BMPER: variants seen among roughly 807,000 people sequenced by gnomAD.
BMPER encodes BMP-binding endothelial regulator protein.
Under a neutral mutation model 87.3 loss-of-function variants are expected in BMPER, and 45 were observed. The ratio of observed to expected loss-of-function variants is 0.52; its 90% confidence interval spans 0.41 to 0.66. The LOEUF (loss-of-function observed/expected upper bound fraction) is 0.66, where lower values mean the gene tolerates loss of function less well. BMPER is among the 30% of genes least tolerant of loss of function. The probability of loss-of-function intolerance (pLI) is 0.00; values close to 1 mark genes in which losing one functional copy is unlikely to be tolerated. For missense variants in BMPER, 784 were observed against 867.5 expected (o/e 0.90, Z 1.21); for synonymous variants, 326 against 316.2 (o/e 1.03, Z -0.33).
At chr7:33,990,018 G>A (rs936382777) in intron 6 of BMPER, among the ~76,000 whole-genome samples, 9 of 151,778 alleles carry the variant, frequency 5.9e-5, no homozygotes, top group Non-Finnish European at 2.9e-5. Flanking sequence ...GGTTACTGTA[G>A]CCTTGTAGTA....
At chr7:34,019,158 C>A (rs1041045612) in intron 6 of BMPER, among the ~76,000 whole-genome samples, 3 of 152,026 alleles carry the variant, frequency 2.0e-5, no homozygotes, top group African/African-American at 7.2e-5. Context: ...AGGATCGCAT[C>A]ACTGTGTCTA....
intron 6 of BMPER, among the ~76,000 whole-genome samples, chr7:33,981,637 T>C (rs1443749064): frequency 6.6e-6 from 1 of 152,232 alleles, no homozygotes; most frequent in East Asian, 1.9e-4. Context: ...AATAATCTGC[T>C]GAATTCATGA....
chr7:34,068,386 A>G (rs770337907), intron 11 of BMPER, among the ~76,000 whole-genome samples: 1 of 152,212 alleles, frequency 6.6e-6, no homozygotes, highest in Non-Finnish European at 1.5e-5. Context: ...GGAGGGCTTT[A>G]CAACTTGTAA....
intron 2 of BMPER, among the ~76,000 whole-genome samples, chr7:33,929,657 G>A (rs1784436283): frequency 6.6e-6 from 1 of 152,166 alleles, no homozygotes; most frequent in Non-Finnish European, 1.5e-5. Context: ...TCAGAGTCCT[G>A]GGTTTGAATC....
chr7:34,056,352 T>C (rs1316779160), intron 9 of BMPER, among the ~76,000 whole-genome samples: 2 of 151,976 alleles, frequency 1.3e-5, no homozygotes, highest in African/African-American at 4.8e-5. Context: ...CGTTTACCTA[T>C]GTAACAAACA....
intron 3 of BMPER, among the ~76,000 whole-genome samples, chr7:33,944,865 G>A (rs1450985321): frequency 1.3e-5 from 2 of 152,088 alleles, no homozygotes; most frequent in Non-Finnish European, 2.9e-5. Context: ...TTCTTTATGG[G>A]TCTTCATGGG....
At chr7:34,107,771 G>T (rs1789861101) in intron 13 of BMPER, among the ~76,000 whole-genome samples, 1 of 152,128 alleles carries the variant, frequency 6.6e-6, no homozygotes, top group Non-Finnish European at 1.5e-5. Flanking sequence ...GGTGCTCTAT[G>T]TATTGGGTTT....
intron 11 of BMPER, among the ~76,000 whole-genome samples, chr7:34,077,368 A>C (rs1217399169): frequency 6.6e-6 from 1 of 152,168 alleles, no homozygotes; most frequent in African/African-American, 2.4e-5. Flanking sequence ...AGGAAAAGCG[A>C]CCAAGAAAGG....
intron 13 of BMPER, among the ~76,000 whole-genome samples, chr7:34,091,393 T>C (rs1789376112): frequency 6.6e-6 from 1 of 152,228 alleles, no homozygotes; most frequent in Non-Finnish European, 1.5e-5. Context: ...CCATTAGAAC[T>C]AGGGTCCTAA....
intron 8 of BMPER, among the ~76,000 whole-genome samples, 168 bp from the exon 9 acceptor site, chr7:34,054,991 TAATC>T (rs1270061013): frequency 6.6e-6 from 1 of 152,180 alleles, no homozygotes; most frequent in Non-Finnish European, 1.5e-5. Flanking sequence ...TCTAGATACT[TAATC>T]AACAAATCAC....
chr7:33,971,236 A>C (rs1312645835), intron 5 of BMPER, among the ~76,000 whole-genome samples: 1 of 152,064 alleles, frequency 6.6e-6, no homozygotes, highest in African/African-American at 2.4e-5. Context: ...GAAGTGGCTA[A>C]GTCACCACTG....
intron 11 of BMPER, among the ~76,000 whole-genome samples, chr7:34,074,191 A>AT (rs1788804917): frequency 6.6e-6 from 1 of 152,192 alleles, no homozygotes; most frequent in Non-Finnish European, 1.5e-5. Context: ...ATTGGTTACT[A>AT]TTTCTGGTGG....
intron 13 of BMPER, among the ~76,000 whole-genome samples, chr7:34,113,493 C>A (rs1790034339): frequency 1.8e-5 from 2 of 108,788 alleles, no homozygotes; most frequent in Admixed American, 2.0e-4. Flanking sequence ...TATTTTAAAT[C>A]TTTAATCTAT....
intron 13 of BMPER, 77 bp from the exon 14 acceptor site, chr7:34,143,153 C>A: frequency 6.3e-7 from 1 of 1,596,814 alleles, no homozygotes; most frequent in Non-Finnish European, 8.5e-7. Flanking sequence ...CCATCTACGA[C>A]CCTTTCTGAA....
At chr7:34,117,498 T>C (rs960518899) in intron 13 of BMPER, among the ~76,000 whole-genome samples, 1 of 152,136 alleles carries the variant, frequency 6.6e-6, no homozygotes, top group African/African-American at 2.4e-5. Flanking sequence ...AGCTGTTAGG[T>C]TGATAATCAC....
In BMPER at chr7:34,086,016, C is replaced by T; in HGVS notation, c.1669C>T (p.His557Tyr). 6.2e-7 allele frequency: 1 copy of T among 1,614,116 alleles called. No homozygotes were observed. The highest frequency in any genetic ancestry group is 8.5e-7 in the Non-Finnish European group (1 of 1,180,032). The change falls in exon 13 of 15, where the codon CAT (histidine) becomes TAT (tyrosine). Residue 557 changes from histidine (H) to tyrosine (Y), a missense_variant. His to Tyr is a moderately conservative substitution (Grantham distance 83). Coordinates refer to ENST00000649409, the MANE Select transcript of BMPER (RefSeq NM_001365308.1). ...QGTVKVKLRAHRECQKLKSWE... is the reference protein window; with the variant it reads ...QGTVKVKLRAYRECQKLKSWE... Reference sequence around the variant, plus strand: ...GACAGTCAAGGTAAAGCTCCGGGCCCATCGAGAATGCCAAAAGCTCAAATC... The same window carrying T: ...GACAGTCAAGGTAAAGCTCCGGGCCTATCGAGAATGCCAAAAGCTCAAATC...
intron 3 of BMPER, among the ~76,000 whole-genome samples, chr7:33,948,466 T>A (rs935374005): frequency 2.0e-5 from 3 of 152,148 alleles, no homozygotes; most frequent in African/African-American, 4.8e-5. Flanking sequence ...ACTGTCCCAT[T>A]CTTGCTTGGC....
At position 34,024,403 on chromosome 7, in the gene BMPER, A is replaced by C. The variant is rs1312526425; in HGVS notation, c.577-21903A>C. 6.5e-4 allele frequency among the ~76,000 whole-genome samples: 23 copies of C among 35,208 alleles called. 1 individual carries two copies. The highest frequency in any genetic ancestry group is 2.7e-3 in the African/African-American group (21 of 7,872). The allele number at this position is 35,208 out of a possible 152,430, so 23.1% of individuals were successfully genotyped here. A position where few individuals can be genotyped will look rare whatever the true frequency, so the allele number is the denominator to read the frequency against. On this transcript the variant is annotated intron_variant, in intron 6 of 14. Transcript: ENST00000649409. ...AAAAACAATATATATATATATATAT[A>C]TATATATATATATATATATATATAT...
chr7:33,971,155 T>C (rs1445773532), intron 5 of BMPER, among the ~76,000 whole-genome samples: 1 of 151,154 alleles, frequency 6.6e-6, no homozygotes. Context: ...TCCTCAAGAG[T>C]GGTGATACGA....
Sources: gnomAD v4.1 joint callset for allele counts (sites outside exome capture counted in the v4.1 genomes callset) on GRCh38, gnomAD v4.1.1 for gene constraint, MANE v1.5 for transcripts, NCBI Gene and HGNC (gene_info 2026-07-23, HGNC 2026-07-21) for gene names.